Variants in SLC6A5 observed in about 807,000 individuals in gnomAD.
The protein encoded by SLC6A5 is solute carrier family 6 member 5, also known as sodium- and chloride-dependent glycine transporter 2.
In SLC6A5, 58 loss-of-function variants were observed where a neutral mutation model predicts 90.5. The ratio of observed to expected loss-of-function variants is 0.64; its 90% confidence interval spans 0.52 to 0.80. SLC6A5 has a LOEUF of 0.80. SLC6A5 is among the 30% of genes least tolerant of loss of function. The pLI, the probability that SLC6A5 is intolerant of heterozygous loss-of-function variation, is 0.00. For synonymous variants in SLC6A5, 427 were observed against 401.4 expected (o/e 1.06, Z -0.76); for missense variants, 1,015 against 1,017.6 (o/e 1.00, Z 0.03).
At chr11:20,601,767 G>T (rs927033837) in intron 2 of SLC6A5, 102 bp downstream of exon 2, 2 of 1,248,788 alleles carry the variant, frequency 1.6e-6, no homozygotes, top group Middle Eastern at 2.6e-4. Context: ...TGGGGAAACC[G>T]GTTGGCAGTG....
intron 7 of SLC6A5, among the ~76,000 whole-genome samples, chr11:20,625,677 C>T (rs1328710956): frequency 6.6e-6 from 1 of 152,160 alleles, no homozygotes. Flanking sequence ...TAGCCCCCCA[C>T]CCCCTACTCT....
At chr11:20,637,087 C>A in intron 11 of SLC6A5, 85 bp from the exon 12 acceptor site, 1 of 1,398,172 alleles carries the variant, frequency 7.2e-7, no homozygotes, top group Non-Finnish European at 1.0e-6. Flanking sequence ...ATACAACTTT[C>A]CTGGATGGGA....
At chr11:20,626,600 G>A (rs1590168668) in intron 7 of SLC6A5, 108 bp from the exon 8 acceptor site, 2 of 1,237,734 alleles carry the variant, frequency 1.6e-6, no homozygotes, top group Admixed American at 1.8e-5. Flanking sequence ...CTACCCTGAT[G>A]TGCTCTCTGT....
Position 20,655,028 on chromosome 11 carries a change from C to A in SLC6A5, c.*160C>A. Reference sequence around the variant, plus strand: ...TTATGTAGAAAAGTAGGCATAGTGTCGCATGCTGCAGTAAAGAGCTACATA... The same window carrying A: ...TTATGTAGAAAAGTAGGCATAGTGTAGCATGCTGCAGTAAAGAGCTACATA... On this transcript the variant is annotated 3_prime_UTR_variant, in exon 16 of 16. Coordinates refer to ENST00000525748, the MANE Select transcript of SLC6A5 (RefSeq NM_004211.5). The A allele has an allele frequency of 1.2e-6, 1 of 814,590 alleles. No individual in the cohort carries two copies. 50.5% of individuals were successfully genotyped at this position (814,590 alleles called of 1,614,324 possible). A position where few individuals can be genotyped will look rare whatever the true frequency, so the allele number is the denominator to read the frequency against.
At position 20,646,869 on chromosome 11, in the gene SLC6A5, A is replaced by G. The variant is rs772130570; in HGVS notation, c.2005A>G (p.Ile669Val). The change falls in exon 14 of 16, where the codon ATT (isoleucine) becomes GTT (valine). Residue 669 changes from isoleucine to valine, a missense_variant. Ile to Val is a conservative substitution (Grantham distance 29). Transcript: ENST00000525748. ...ATTCTGTGAAGATATAGAGATGATG[A>G]TTGGATTCCAGCCTAACATCTTCTG... Reference protein sequence around the residue: ...QRFCEDIEMMIGFQPNIFWKV... With the variant: ...QRFCEDIEMMVGFQPNIFWKV... 4.3e-6 allele frequency: 7 copies of G among 1,613,710 alleles called. No individual in the cohort carries two copies. Among genetic ancestry groups the G allele is most frequent in the Non-Finnish European group, 5.9e-6 (7 of 1,179,760 alleles).
In SLC6A5 at chr11:20,617,515, C is replaced by T. The variant is rs55832823; in HGVS notation, c.1128-237C>T. Among the ~76,000 whole-genome samples the T allele has an allele frequency of 0.19, 29,245 of 152,198 alleles. 3,592 individuals are homozygous for T. Among genetic ancestry groups the T allele is most frequent in the Non-Finnish European group, 0.27 (18,181 of 68,008 alleles). Reference sequence around the variant, plus strand: ...CAGGGCCATGAGCAGCCTCCCAGCACGTAATCAAGAGCACAGTAAATCCAG... The same window carrying T: ...CAGGGCCATGAGCAGCCTCCCAGCATGTAATCAAGAGCACAGTAAATCCAG... On this transcript the variant is annotated intron_variant, in intron 6 of 15. Transcript: ENST00000525748.
intron 5 of SLC6A5, among the ~76,000 whole-genome samples, chr11:20,608,991 T>TGTG (rs1193434610): frequency 6.6e-6 from 1 of 150,736 alleles, no homozygotes; most frequent in South Asian, 2.1e-4. Flanking sequence ...TGTGTGTGTG[T>TGTG]TTAAAGCAGG....
chr11:20,651,860 C>G (rs917115392), intron 14 of SLC6A5, among the ~76,000 whole-genome samples: 3 of 151,766 alleles, frequency 2.0e-5, no homozygotes, highest in African/African-American at 7.3e-5. Flanking sequence ...TAGCTGAGAT[C>G]ACGCCATTGT....
intron 1 of SLC6A5, among the ~76,000 whole-genome samples, chr11:20,600,813 G>A (rs1407217299): frequency 6.6e-6 from 1 of 152,190 alleles, no homozygotes; most frequent in Admixed American, 6.5e-5. Context: ...GGAATCCAAA[G>A]AGGGAGGGGA....
chr11:20,614,242 A>C (rs537206355), intron 5 of SLC6A5, among the ~76,000 whole-genome samples: 105 of 152,318 alleles, frequency 6.9e-4, no homozygotes, highest in African/African-American at 2.4e-3. Context: ...TATTTTCTGC[A>C]GAGTCATAAG....
intron 15 of SLC6A5, among the ~76,000 whole-genome samples, chr11:20,653,389 C>G (rs562542194): frequency 9.9e-5 from 15 of 152,216 alleles, no homozygotes; most frequent in Admixed American, 7.8e-4. Context: ...CCCTCGTTAG[C>G]GAAGCATTGG....
Position 20,604,509 on chromosome 11 carries a change from C to T in SLC6A5, c.679+85C>T. 5.2e-6 allele frequency: 8 copies of T among 1,541,060 alleles called. No homozygotes were observed. In the Middle Eastern group the frequency reaches 7.2e-4, roughly 138 times the overall value. ...TGGGACAGGAGCCCTCAGGCAGGGC[C>T]GCCGGGCGGGGAGGCTCAGGACAGC... On this transcript the variant is annotated intron_variant, in intron 3 of 15. Coordinates refer to ENST00000525748, the MANE Select transcript of SLC6A5 (RefSeq NM_004211.5).
At chr11:20,638,732 C>A (rs979941244) in intron 13 of SLC6A5, among the ~76,000 whole-genome samples, 174 bp downstream of exon 13, 1 of 152,044 alleles carries the variant, frequency 6.6e-6, no homozygotes, top group African/African-American at 2.4e-5. Context: ...CCACTGTGAT[C>A]CAAATTTAAT....
At chr11:20,649,829 ATACT>A (rs1355969493) in intron 14 of SLC6A5, among the ~76,000 whole-genome samples, 1 of 152,222 alleles carries the variant, frequency 6.6e-6, no homozygotes, top group Non-Finnish European at 1.5e-5. Flanking sequence ...ACATTAGGCC[ATACT>A]TACAATACTC....
chr11:20,655,546 A>G lies in SLC6A5; in HGVS notation c.*678A>G, dbSNP rs1384464970. 6.5e-6 allele frequency: 1 copy of G among 152,792 alleles called. No individual in the cohort carries two copies. Among genetic ancestry groups the G allele is most frequent in the African/African-American group, 2.4e-5 (1 of 41,422 alleles). The allele number at this position is 152,792 out of a possible 1,614,324, so 9.5% of individuals were successfully genotyped here. A position where few individuals can be genotyped will look rare whatever the true frequency, so the allele number is the denominator to read the frequency against. On this transcript the variant is annotated 3_prime_UTR_variant, in exon 16 of 16. Transcript: ENST00000525748. ...ATTGAACTGTCAGTTTTCTTCCCTC[A>G]ACTGTCTTTTTTTGTTTTAAATAAC...
chr11:20,640,605 C>T (rs1237070468), intron 13 of SLC6A5, among the ~76,000 whole-genome samples: 4 of 151,416 alleles, frequency 2.6e-5, no homozygotes, highest in South Asian at 2.1e-4. Flanking sequence ...TCTGCAGTGT[C>T]GGATGTGGGT....
At chr11:20,627,374 G>A (rs1565280959) in intron 8 of SLC6A5, among the ~76,000 whole-genome samples, 1 of 152,168 alleles carries the variant, frequency 6.6e-6, no homozygotes, top group Non-Finnish European at 1.5e-5. Context: ...GGGGGTGATT[G>A]TTGAAGGGGA....
intron 5 of SLC6A5, among the ~76,000 whole-genome samples, chr11:20,613,878 T>C (rs976140547): frequency 3.3e-5 from 5 of 152,082 alleles, no homozygotes; most frequent in Non-Finnish European, 5.9e-5. Flanking sequence ...TTGTAGGATA[T>C]TTAGTATTAG....
chr11:20,636,284 A>G (rs916636068), intron 10 of SLC6A5, 23 bp from the exon 11 acceptor site: 2 of 1,494,762 alleles, frequency 1.3e-6, no homozygotes, highest in South Asian at 2.3e-5. Flanking sequence ...CCTGCCTGCA[A>G]TCATCTGTCT....
Sources: allele counts gnomAD v4.1 joint callset (sites outside exome capture counted in the v4.1 genomes callset), GRCh38; gene constraint gnomAD v4.1.1; transcripts MANE v1.5; gene names NCBI Gene and HGNC (gene_info 2026-07-23, HGNC 2026-07-21).